Variants in MAPK10 observed in about 807,000 individuals in gnomAD.
MAPK10 encodes mitogen-activated protein kinase 10.
A neutral mutation model predicts 59.3 loss-of-function variants in MAPK10; 25 were observed. The observed-to-expected ratio is 0.42, with a 90% confidence interval of 0.31 to 0.59. The LOEUF (loss-of-function observed/expected upper bound fraction) is 0.59, where lower values mean the gene tolerates loss of function less well. Ranked by LOEUF, MAPK10 falls within the 20% of genes least tolerant of loss-of-function variation. The pLI is 0.15. For synonymous variants in MAPK10, 190 were observed against 200.5 expected (o/e 0.95, Z 0.44); for missense variants, 351 against 568.9 (o/e 0.62, Z 3.90).
intron 3 of MAPK10, chr4:86,192,576 T>C (rs2080198953): frequency 6.6e-6 from 1 of 152,064 alleles, no homozygotes; most frequent in Non-Finnish European, 1.5e-5. Context: ...CTATTGATAC[T>C]TGTGTATGCT....
At chr4:86,037,428 G>C (rs976249329) in intron 11 of MAPK10, among the ~76,000 whole-genome samples, 4 of 151,958 alleles carry the variant, frequency 2.6e-5, no homozygotes, top group Non-Finnish European at 5.9e-5. Flanking sequence ...GCTGAGGCAG[G>C]AGAATGGCAT....
chr4:86,110,794 T>G (rs564206481), intron 4 of MAPK10, among the ~76,000 whole-genome samples: 1 of 152,312 alleles, frequency 6.6e-6, no homozygotes, highest in African/African-American at 2.4e-5. Flanking sequence ...TTAATGGGAA[T>G]TGCATTGAAT....
At chr4:86,293,589 G>C (rs1173272813) in intron 2 of MAPK10, among the ~76,000 whole-genome samples, 3 of 152,162 alleles carry the variant, frequency 2.0e-5, no homozygotes, top group Admixed American at 2.0e-4. Flanking sequence ...ACCTAAGACT[G>C]GGTAATTTAT....
chr4:86,260,935 A>AC (rs2093958747), intron 2 of MAPK10, among the ~76,000 whole-genome samples: 1 of 152,144 alleles, frequency 6.6e-6, no homozygotes, highest in Non-Finnish European at 1.5e-5. Flanking sequence ...TTGTCCTCAG[A>AC]GGGTTTACTG....
intron 10 of MAPK10, among the ~76,000 whole-genome samples, chr4:86,067,176 T>G (rs1470032364): frequency 6.6e-6 from 1 of 152,158 alleles, no homozygotes; most frequent in Non-Finnish European, 1.5e-5. Context: ...TCTTGCTCAC[T>G]CTATCTCTAG....
intron 3 of MAPK10, among the ~76,000 whole-genome samples, chr4:86,182,163 A>G (rs1043830123): frequency 1.3e-5 from 2 of 152,136 alleles, no homozygotes; most frequent in Non-Finnish European, 2.9e-5. Context: ...CGAGACTATA[A>G]CAAGAAGCCT....
At chr4:86,118,599 CACA>C (rs2058673088) in intron 4 of MAPK10, among the ~76,000 whole-genome samples, 1 of 151,742 alleles carries the variant, frequency 6.6e-6, no homozygotes, top group East Asian at 1.9e-4. Context: ...CACACACACA[CACA>C]CACACACACA....
At chr4:86,426,095 G>C (rs1024193574) in intron 1 of MAPK10, among the ~76,000 whole-genome samples, 2 of 152,118 alleles carry the variant, frequency 1.3e-5, no homozygotes, top group Non-Finnish European at 2.9e-5. Flanking sequence ...GCCTCTCGCT[G>C]TTTCATCTGA....
chr4:86,211,140 A>AAG (rs747079507), intron 2 of MAPK10, among the ~76,000 whole-genome samples: 2 of 151,772 alleles, frequency 1.3e-5, no homozygotes, highest in African/African-American at 2.4e-5. Flanking sequence ...TCAAAAGAAG[A>AAG]AGAGAGAGAG....
At chr4:86,308,238 T>C (rs1167221986) in intron 2 of MAPK10, among the ~76,000 whole-genome samples, 1 of 152,206 alleles carries the variant, frequency 6.6e-6, no homozygotes, top group African/African-American at 2.4e-5. Context: ...CCTCTATTTG[T>C]GATCTTTATA....
chr4:86,056,946 ATTTTAT>A lies in MAPK10; in HGVS notation c.1110+7314_1110+7319del, dbSNP rs145253881. Among the ~76,000 whole-genome samples, 654 of 146,304 alleles carry A rather than the reference ATTTTAT, an allele frequency of 4.5e-3. 37 individuals are homozygous for A. In the East Asian group the frequency reaches 0.1, roughly 23 times the overall value. On this transcript the variant is annotated intron_variant, in intron 11 of 13. Transcript: ENST00000641462. The stretch of plus-strand genomic sequence containing the variant: ...TTGGTCAGGACTTTTTTGTTTATTT[ATTTTAT>A]TTTATTTTATTTTATTTTATTTATT...
In MAPK10 at chr4:86,285,570, T is replaced by C. The variant is rs1341333545; in HGVS notation, c.-7+68960A>G. On this transcript the variant is annotated intron_variant, in intron 2 of 13. Coordinates refer to ENST00000641462, the MANE Select transcript of MAPK10 (RefSeq NM_138982.4). ...TTCTTTACGTACAACTCAGATAGATTTACCTATCTGAACAGAGCAATTATA... is the reference window on the plus strand; with the variant it reads ...TTCTTTACGTACAACTCAGATAGATCTACCTATCTGAACAGAGCAATTATA... 2.0e-5 allele frequency among the ~76,000 whole-genome samples: 3 copies of C among 152,252 alleles called. No individual in the cohort carries two copies. The East Asian group carries it at 5.8e-4, about 29-fold the overall frequency.
chr4:86,199,328 G>T (rs1214822921), intron 2 of MAPK10, among the ~76,000 whole-genome samples: 1 of 151,966 alleles, frequency 6.6e-6, no homozygotes, highest in African/African-American at 2.4e-5. Context: ...ATAAATTGTG[G>T]TATTTTCCTT....
chr4:86,072,444 T>G (rs1346777330), intron 9 of MAPK10, among the ~76,000 whole-genome samples: 2 of 139,556 alleles, frequency 1.4e-5, no homozygotes, highest in African/African-American at 5.6e-5. Flanking sequence ...ATAGGAGTGG[T>G]GAGAGAGGGC....
chr4:86,218,370 C>T (rs542538642), intron 2 of MAPK10, among the ~76,000 whole-genome samples: 3 of 152,008 alleles, frequency 2.0e-5, no homozygotes, highest in Non-Finnish European at 1.5e-5. Flanking sequence ...TTAGTAGAGA[C>T]AGGGTTTCAC....
intron 4 of MAPK10, among the ~76,000 whole-genome samples, chr4:86,135,575 C>A (rs1191490302): frequency 6.6e-6 from 1 of 152,126 alleles, no homozygotes; most frequent in African/African-American, 2.4e-5. Context: ...GATAAAACCA[C>A]AAAGATGGGG....
chr4:86,587,584 G>A (rs1476027925), intron 1 of MAPK10, among the ~76,000 whole-genome samples: 1 of 152,160 alleles, frequency 6.6e-6, no homozygotes, highest in Non-Finnish European at 1.5e-5. Flanking sequence ...TCCCATCACA[G>A]CTCTTACTCT....
intron 1 of MAPK10, among the ~76,000 whole-genome samples, chr4:86,372,956 T>A (rs1046965608): frequency 2.0e-5 from 3 of 152,074 alleles, no homozygotes; most frequent in Non-Finnish European, 2.9e-5. Flanking sequence ...GCCAAGACAA[T>A]CCTAAGCAAA....
intron 1 of MAPK10, among the ~76,000 whole-genome samples, chr4:86,547,382 C>T (rs1409700183): frequency 2.6e-5 from 4 of 152,218 alleles, no homozygotes; most frequent in South Asian, 4.1e-4. Flanking sequence ...TCTGCGGACC[C>T]GCACTCCCAG....
Sources: gnomAD v4.1 joint callset for allele counts (sites outside exome capture counted in the v4.1 genomes callset) on GRCh38, gnomAD v4.1.1 for gene constraint, MANE v1.5 for transcripts, NCBI Gene and HGNC (gene_info 2026-07-23, HGNC 2026-07-21) for gene names.